The following FAM133A variants were observed in gnomAD, a reference collection of about 807,000 sequenced individuals.
FAM133A encodes family with sequence similarity 133 member A, also known as protein FAM133A.
For missense variants in FAM133A, 159 were observed against 164.4 expected, an observed-to-expected ratio of 0.97 and a Z score of 0.18; for synonymous variants, 65 against 58.6, an observed-to-expected ratio of 1.11 and a Z score of -0.50.
chrX:93,705,690 C>T (rs980544555), intron 3 of FAM133A, among the ~76,000 whole-genome samples: 3 of 111,437 alleles, frequency 2.7e-5, no homozygotes, highest in East Asian at 5.7e-4. Context: ...CATCCATTCC[C>T]TGTCTTTATT....
chrX:93,682,835 G>A (rs188055743), intron 2 of FAM133A, among the ~76,000 whole-genome samples: 1 of 110,937 alleles, frequency 9.0e-6, no homozygotes, highest in Non-Finnish European at 1.9e-5. Context: ...AGTTGGCCTC[G>A]AACTCCTGAC....
chrX:93,703,979 A>G (rs955056213), intron 3 of FAM133A, among the ~76,000 whole-genome samples: 6 of 111,938 alleles, frequency 5.4e-5, no homozygotes, highest in Admixed American at 9.5e-5. Flanking sequence ...TCCACACTGC[A>G]CAGTTTTCTA....
chrX:93,684,183 A>G (rs1437836676), intron 2 of FAM133A, among the ~76,000 whole-genome samples: 1 of 111,713 alleles, frequency 9.0e-6, no homozygotes. Flanking sequence ...TTGTATAGGC[A>G]GAGAGGTGGG....
chrX:93,681,287 G>GTATATCTATCTA (rs1925133540), intron 2 of FAM133A, among the ~76,000 whole-genome samples: 1 of 104,789 alleles, frequency 9.5e-6, no homozygotes, highest in African/African-American at 3.5e-5. Context: ...GATATATTCT[G>GTATATCTATCTA]TCTATCTATC....
chrX:93,702,854 A>C (rs111418621), intron 3 of FAM133A, among the ~76,000 whole-genome samples: 239 of 99,508 alleles, frequency 2.4e-3, no homozygotes, highest in Non-Finnish European at 3.0e-3. Flanking sequence ...AAAAAAAAAA[A>C]AAAAAAAAAA....
chrX:93,677,770 C>T (rs1446280280), intron 2 of FAM133A, among the ~76,000 whole-genome samples: 1 of 112,223 alleles, frequency 8.9e-6, no homozygotes, highest in Admixed American at 9.4e-5. Flanking sequence ...TTCCTGTTTA[C>T]TGCTGAGTAA....
At chrX:93,690,795 C>T (rs746888862) in intron 2 of FAM133A, among the ~76,000 whole-genome samples, 17 of 111,737 alleles carry the variant, frequency 1.5e-4, no homozygotes, top group Admixed American at 1.0e-3. Context: ...TAAGAAACTA[C>T]CAAAATATTT....
intron 2 of FAM133A, among the ~76,000 whole-genome samples, chrX:93,696,084 G>A (rs1310535246): frequency 8.9e-6 from 1 of 111,867 alleles, no homozygotes; most frequent in African/African-American, 3.3e-5. Flanking sequence ...TTTCTGTTAG[G>A]TTTCTGTTAA....
intron 2 of FAM133A, among the ~76,000 whole-genome samples, chrX:93,686,635 T>C (rs1222765463): frequency 8.9e-6 from 1 of 112,136 alleles, no homozygotes; most frequent in Admixed American, 9.4e-5. Context: ...AATAGTCTAA[T>C]CATGATGTTG....
intron 2 of FAM133A, among the ~76,000 whole-genome samples, chrX:93,684,026 T>C (rs1925348092): frequency 8.9e-6 from 1 of 112,278 alleles, no homozygotes; most frequent in Non-Finnish European, 1.9e-5. Context: ...ATTTGTTTAC[T>C]TTTGCTTTTG....
In FAM133A at chrX:93,692,057, A is replaced by G. The variant is rs935208543; in HGVS notation, c.-192-6340A>G. Among the ~76,000 whole-genome samples the G allele has an allele frequency of 2.7e-5, 3 of 111,748 alleles. No homozygotes were observed. In the Admixed American group the frequency reaches 2.9e-4, roughly 11 times the overall value. ...TTGTTAATTTTGTCCAGGCTTATACAGGTTGAATATTCCTTATCCAAAAGA... is the reference window on the plus strand; with the variant it reads ...TTGTTAATTTTGTCCAGGCTTATACGGGTTGAATATTCCTTATCCAAAAGA... On this transcript the variant is annotated intron_variant, in intron 2 of 3. Transcript: ENST00000683942.
intron 2 of FAM133A, among the ~76,000 whole-genome samples, chrX:93,689,800 G>A (rs754459168): frequency 9.0e-6 from 1 of 111,659 alleles, no homozygotes; most frequent in Non-Finnish European, 1.9e-5. Context: ...CTTATTTGAT[G>A]AGACAATGGA....
chrX:93,711,262 G>A lies in FAM133A; in HGVS notation c.*1096G>A, dbSNP rs965640070. The stretch of plus-strand genomic sequence containing the variant: ...AAGTTGAGTGCCAGACCTCTAGTAC[G>A]CCGTATGTTACATGAAACTACTGCC... On this transcript the variant is annotated 3_prime_UTR_variant, in exon 4 of 4. Transcript: ENST00000683942. The A allele has an allele frequency of 8.2e-6, 1 of 122,192 alleles. No homozygotes were observed. The highest frequency in any genetic ancestry group is 1.9e-5 in the Non-Finnish European group (1 of 52,980). The allele number at this position is 122,192 out of a possible 1,213,427, so 10.1% of individuals were successfully genotyped here. A position where few individuals can be genotyped will look rare whatever the true frequency, so the allele number is the denominator to read the frequency against.
intron 2 of FAM133A, among the ~76,000 whole-genome samples, chrX:93,686,241 A>T (rs1925522727): frequency 9.0e-6 from 1 of 111,339 alleles, no homozygotes; most frequent in Admixed American, 9.6e-5. Flanking sequence ...ATCAGTTTTG[A>T]AGATTTAAAT....
chrX:93,707,493 G>C (rs986915942), intron 3 of FAM133A, among the ~76,000 whole-genome samples: 2 of 111,014 alleles, frequency 1.8e-5, no homozygotes, highest in Non-Finnish European at 3.8e-5. Context: ...ATTGGCTCTT[G>C]TATCAACTAT....
At chrX:93,705,143 T>C (rs1417062410) in intron 3 of FAM133A, among the ~76,000 whole-genome samples, 1 of 111,750 alleles carries the variant, frequency 8.9e-6, no homozygotes, top group Non-Finnish European at 1.9e-5. Flanking sequence ...TTTACTAAAC[T>C]GTAATATCCA....
At chrX:93,683,147 G>C (rs1345554293) in intron 2 of FAM133A, among the ~76,000 whole-genome samples, 1 of 111,742 alleles carries the variant, frequency 8.9e-6, no homozygotes, top group African/African-American at 3.3e-5. Flanking sequence ...AGGACACACA[G>C]AGTCTTCAGA....
chrX:93,705,212 C>A (rs1926964039), intron 3 of FAM133A, among the ~76,000 whole-genome samples: 1 of 111,443 alleles, frequency 9.0e-6, no homozygotes, highest in South Asian at 3.7e-4. Context: ...AATCAATGAA[C>A]AAATATTATT....
At chrX:93,674,133 G>A (rs1439870531), upstream of FAM133A, 2 of 111,012 alleles carry the variant, frequency 1.8e-5, no homozygotes, top group Admixed American at 9.6e-5. Flanking sequence ...ATAAAAAAGG[G>A]GAGAGTCGGT....
Sources: allele counts gnomAD v4.1 joint callset (sites outside exome capture counted in the v4.1 genomes callset), GRCh38; gene constraint gnomAD v4.1.1; transcripts MANE v1.5; gene names NCBI Gene and HGNC (gene_info 2026-07-23, HGNC 2026-07-21).